Variants in LRRC4C observed in about 807,000 individuals in gnomAD.
LRRC4C encodes the protein leucine rich repeat containing 4C.
A neutral mutation model predicts 33.6 loss-of-function variants in LRRC4C; 5 were observed. The ratio of observed to expected loss-of-function variants is 0.15; its 90% CI spans 0.08 to 0.31. LRRC4C has a LOEUF of 0.31. Among genes scored for constraint, LRRC4C ranks in the 10% least tolerant of loss-of-function variants. LRRC4C has a pLI of 1.00. For missense variants in LRRC4C, 560 were observed against 796.7 expected, an observed-to-expected ratio of 0.70 and a Z score of 3.58; for synonymous variants, 329 against 302.0, an observed-to-expected ratio of 1.09 and a Z score of -0.93.
intron 1 of LRRC4C, among the ~76,000 whole-genome samples, chr11:41,385,185 G>C (rs2922052): frequency 0.98 from 148,287 of 151,238 alleles, 72,759 homozygotes; most frequent in Middle Eastern, 1. Flanking sequence ...TCGACCCTCT[G>C]TCAGTAACTG....
chr11:40,208,651 C>T (rs1487508985), intron 5 of LRRC4C, among the ~76,000 whole-genome samples: 1 of 152,120 alleles, frequency 6.6e-6, no homozygotes, highest in African/African-American at 2.4e-5. Flanking sequence ...TATGAATATT[C>T]ATTTATTTTG....
chr11:40,361,946 A>G (rs1187009406), intron 3 of LRRC4C, among the ~76,000 whole-genome samples: 2 of 152,210 alleles, frequency 1.3e-5, no homozygotes, highest in Non-Finnish European at 2.9e-5. Context: ...TAGAGAACCC[A>G]GAAATAAGAC....
chr11:40,654,748 G>A (rs1591381924), intron 2 of LRRC4C, among the ~76,000 whole-genome samples: 1 of 152,184 alleles, frequency 6.6e-6, no homozygotes, highest in East Asian at 1.9e-4. Flanking sequence ...ATTTTGGAGG[G>A]GTCAGGAGGG....
intron 1 of LRRC4C, among the ~76,000 whole-genome samples, chr11:41,246,956 C>T (rs1948474668): frequency 6.6e-6 from 1 of 152,182 alleles, no homozygotes. Context: ...GTAAATTCAT[C>T]TCTGAAAATG....
At chr11:40,860,604 C>T (rs764722701) in intron 2 of LRRC4C, among the ~76,000 whole-genome samples, 6 of 151,958 alleles carry the variant, frequency 3.9e-5, no homozygotes, top group African/African-American at 7.3e-5. Flanking sequence ...GGTGTACTAC[C>T]AGTGCATCTC....
intron 1 of LRRC4C, among the ~76,000 whole-genome samples, chr11:41,069,936 C>G (rs1426083976): frequency 6.6e-6 from 1 of 152,046 alleles, no homozygotes; most frequent in Non-Finnish European, 1.5e-5. Context: ...TCATATGGAA[C>G]CAGAAAAGAG....
At chr11:41,127,381 A>C (rs1318048847) in intron 1 of LRRC4C, among the ~76,000 whole-genome samples, 3 of 151,946 alleles carry the variant, frequency 2.0e-5, no homozygotes, top group Admixed American at 2.0e-4. Context: ...TGCTGAAGAA[A>C]TCTATTTGAC....
At chr11:41,107,704 G>C (rs139903813) in intron 1 of LRRC4C, among the ~76,000 whole-genome samples, 2 of 152,074 alleles carry the variant, frequency 1.3e-5, no homozygotes, top group African/African-American at 4.8e-5. Flanking sequence ...TTGATAGGCC[G>C]AAGCAGGCAG....
intron 1 of LRRC4C, among the ~76,000 whole-genome samples, chr11:41,324,361 C>T (rs1196735117): frequency 6.6e-6 from 1 of 152,126 alleles, no homozygotes; most frequent in Non-Finnish European, 1.5e-5. Context: ...ACCCGGGAGG[C>T]AGAAGTTGCG....
chr11:40,700,325 A>G (rs1300253529), intron 2 of LRRC4C, among the ~76,000 whole-genome samples: 1 of 152,112 alleles, frequency 6.6e-6, no homozygotes, highest in Non-Finnish European at 1.5e-5. Context: ...CATTTATTGT[A>G]ATATTCATTT....
intron 5 of LRRC4C, among the ~76,000 whole-genome samples, chr11:40,238,482 C>T (rs1485637685): frequency 6.6e-6 from 1 of 152,146 alleles, no homozygotes; most frequent in Non-Finnish European, 1.5e-5. Context: ...CAGCACCATC[C>T]AGGACAATCA....
rs571718858 is a variant in LRRC4C at position 40,288,414 on chromosome 11, G to T, written c.-176+31214C>A. On this transcript the variant is annotated intron_variant, in intron 4 of 6. Coordinates refer to ENST00000528697, the MANE Select transcript of LRRC4C (RefSeq NM_001258419.2). ...TGAAAAGAAACATAAGAATCCAATG[G>T]TTATCTCCCAAGCCTAACTGTACTA... Among the ~76,000 whole-genome samples the T allele has an allele frequency of 5.3e-5, 8 of 152,264 alleles. No homozygotes were observed. In the South Asian group the frequency reaches 1.7e-3, roughly 32 times the overall value.
chr11:40,418,617 C>T (rs1950412087), intron 3 of LRRC4C, among the ~76,000 whole-genome samples: 1 of 152,306 alleles, frequency 6.6e-6, no homozygotes, highest in Non-Finnish European at 1.5e-5. Flanking sequence ...TGGGTATATA[C>T]TCAAAGGAGT....
chr11:40,861,101 T>C (rs906006776), intron 2 of LRRC4C, among the ~76,000 whole-genome samples: 2 of 152,152 alleles, frequency 1.3e-5, no homozygotes, highest in African/African-American at 4.8e-5. Flanking sequence ...AGAATAACTC[T>C]CAGGGGAAAC....
chr11:41,146,820 C>G (rs1943747921), intron 1 of LRRC4C, among the ~76,000 whole-genome samples: 1 of 152,208 alleles, frequency 6.6e-6, no homozygotes, highest in African/African-American at 2.4e-5. Context: ...ACAAGTTGTT[C>G]TCTCTGGGGA....
chr11:41,382,483 C>A (rs921414036), intron 1 of LRRC4C, among the ~76,000 whole-genome samples: 1 of 152,144 alleles, frequency 6.6e-6, no homozygotes, highest in South Asian at 2.1e-4. Flanking sequence ...TCTATGTTCA[C>A]TGCTACAATT....
At chr11:40,293,882 CGCG>C (rs1397579964) in intron 4 of LRRC4C, 1 of 152,482 alleles carries the variant, frequency 6.6e-6, no homozygotes, top group Admixed American at 6.5e-5. Context: ...CGGCTCCCTG[CGCG>C]GCAGAAACCC....
At chr11:40,439,680 C>G (rs1215972150) in intron 3 of LRRC4C, among the ~76,000 whole-genome samples, 1 of 152,092 alleles carries the variant, frequency 6.6e-6, no homozygotes, top group African/African-American at 2.4e-5. Flanking sequence ...TCTTGAACTC[C>G]TGACATCATG....
At chr11:41,063,074 T>C (rs189143427) in intron 1 of LRRC4C, among the ~76,000 whole-genome samples, 144 of 152,336 alleles carry the variant, frequency 9.5e-4, no homozygotes, top group African/African-American at 3.3e-3. Flanking sequence ...ATATAATGAT[T>C]GCATTAGTTT....
Sources: allele counts gnomAD v4.1 joint callset (sites outside exome capture counted in the v4.1 genomes callset), GRCh38; gene constraint gnomAD v4.1.1; transcripts MANE v1.5; gene names NCBI Gene and HGNC (gene_info 2026-07-23, HGNC 2026-07-21).